PYGO1: variants seen among roughly 807,000 people sequenced by gnomAD.
PYGO1 encodes pygopus homolog 1.
PYGO1 carries 6 observed loss-of-function variants against 29.5 expected under a neutral mutation model. That is an observed-to-expected ratio of 0.20 (90% CI 0.11 to 0.40). The LOEUF is 0.40. Ranked by LOEUF, PYGO1 falls within the 10% of genes least tolerant of loss-of-function variation. The pLI is 1.00. For synonymous variants in PYGO1, 186 were observed against 180.5 expected, an observed-to-expected ratio of 1.03 and a Z score of -0.24; for missense variants, 515 against 514.9, an observed-to-expected ratio of 1.00 and a Z score of 0.00.
chr15:55,559,298 T>C (rs2058922087), intron 1 of PYGO1, among the ~76,000 whole-genome samples: 1 of 152,074 alleles, frequency 6.6e-6, no homozygotes, highest in Non-Finnish European at 1.5e-5. Context: ...TCACACCAGT[T>C]AGAATGGCGA....
intron 1 of PYGO1, among the ~76,000 whole-genome samples, chr15:55,556,843 C>A (rs1301570792): frequency 6.6e-6 from 1 of 151,596 alleles, no homozygotes; most frequent in East Asian, 1.9e-4. Flanking sequence ...TACAGAAATA[C>A]AATCACCAGA....
At position 55,587,879 on chromosome 15, in the gene PYGO1, G is replaced by A. The variant is rs1275643576; in HGVS notation, c.5C>T (p.Ser2Leu). The A allele has an allele frequency of 2.7e-6, 4 of 1,486,054 alleles. No individual in the cohort carries two copies. The highest frequency in any genetic ancestry group is 3.6e-6 in the Non-Finnish European group (4 of 1,119,744). 92.1% of individuals were successfully genotyped at this position (1,486,054 alleles called of 1,614,324 possible). A position where few individuals can be genotyped will look rare whatever the true frequency, so the allele number is the denominator to read the frequency against. Residue 2 changes from serine (S) to leucine (L), a missense_variant, in exon 1 of 3, where the codon TCA becomes TTA. Ser to Leu is a moderately radical substitution (Grantham distance 145). Transcript: ENST00000563719. Reference sequence around the variant, plus strand: ...AATGGGATCCTTCTCCTGTTCTGCTGACATTACAGACCGCAAAGCATGACT... The same window carrying A: ...AATGGGATCCTTCTCCTGTTCTGCTAACATTACAGACCGCAAAGCATGACT... M[S>L]AEQEKDPISL...
At chr15:55,571,616 G>A (rs2058980487) in intron 1 of PYGO1, among the ~76,000 whole-genome samples, 1 of 152,182 alleles carries the variant, frequency 6.6e-6, no homozygotes, top group African/African-American at 2.4e-5. Context: ...ATCCACGTGA[G>A]ATGTGACTTG....
rs1159358135 is a variant in PYGO1 at position 55,539,669 on chromosome 15, T to A, written c.*6354A>T. 1 of 152,044 alleles carries A rather than the reference T, an allele frequency of 6.6e-6. No homozygotes were observed. Among genetic ancestry groups the A allele is most frequent in the Non-Finnish European group, 1.5e-5 (1 of 67,912 alleles). 9.4% of individuals were successfully genotyped at this position (152,044 alleles called of 1,614,324 possible). ...ACTATGAAAATTTTGGGCATTCAAG[T>A]CAAATATAATAGGATTATGATACAG... On this transcript the variant is annotated 3_prime_UTR_variant, in exon 3 of 3. Coordinates refer to ENST00000563719, the MANE Select transcript of PYGO1 (RefSeq NM_001367806.1).
intron 1 of PYGO1, among the ~76,000 whole-genome samples, chr15:55,576,453 CTCAAAAAAAA>C (rs1191073295): frequency 8.8e-5 from 1 of 11,410 alleles, no homozygotes; most frequent in Admixed American, 2.0e-3. Flanking sequence ...GAGACTCCGT[CTCAAAAAAAA>C]AAAAAAAAAA....
In PYGO1 at chr15:55,551,105, C is replaced by T. The variant is rs537329899; in HGVS notation, c.50-2110G>A. ...GCTCAGGCAGTAATGCTCGCTCACCCGCCAGTCACCTCCTGCTGTGTGGCC... is the reference window on the plus strand; with the variant it reads ...GCTCAGGCAGTAATGCTCGCTCACCTGCCAGTCACCTCCTGCTGTGTGGCC... On this transcript the variant is annotated intron_variant, in intron 1 of 2. Coordinates refer to ENST00000563719, the MANE Select transcript of PYGO1 (RefSeq NM_001367806.1). Among the ~76,000 whole-genome samples the T allele has an allele frequency of 5.9e-5, 9 of 152,296 alleles. No homozygotes were observed. The East Asian group carries it at 7.7e-4, about 13-fold the overall frequency.
intron 1 of PYGO1, among the ~76,000 whole-genome samples, chr15:55,573,082 G>A (rs1448318104): frequency 5.9e-5 from 9 of 151,738 alleles, no homozygotes; most frequent in Admixed American, 3.3e-4. Flanking sequence ...TGAGGTGGGC[G>A]GATCACGAGG....
At position 55,546,815 on chromosome 15, in the gene PYGO1, G is replaced by A. The variant is rs200667416; in HGVS notation, c.468C>T (p.Phe156=). 85 of 1,613,892 alleles carry A rather than the reference G, an allele frequency of 5.3e-5. No individual in the cohort carries two copies. Among genetic ancestry groups the A allele is most frequent in the Admixed American group, 6.7e-5 (4 of 59,994 alleles). Residue 156 remains phenylalanine (F), a synonymous_variant, in exon 3 of 3, where the codon TTC becomes TTT. Coordinates refer to ENST00000563719, the MANE Select transcript of PYGO1 (RefSeq NM_001367806.1). ...GTGCATTATTATAAGATGGATTACCGAAACTTGAATTATCATGTGGCCCAA... is the reference window on the plus strand; with the variant it reads ...GTGCATTATTATAAGATGGATTACCAAAACTTGAATTATCATGTGGCCCAA... The part of the protein sequence containing the change: ...FNFGPHDNSS[F]GNPSYNNALS...
At position 55,542,271 on chromosome 15, in the gene PYGO1, C is replaced by T. The variant is rs1354382078; in HGVS notation, c.*3752G>A. On this transcript the variant is annotated 3_prime_UTR_variant, in exon 3 of 3. Transcript: ENST00000563719. ...TAAAGTTGGCAGATTTTATGATGAC[C>T]CACACTATTAAGAGGTTTTTCTGCC... 6.6e-6 allele frequency: 1 copy of T among 151,976 alleles called. No homozygotes were observed. The highest frequency in any genetic ancestry group is 1.5e-5 in the Non-Finnish European group (1 of 67,988). The allele number at this position is 151,976 out of a possible 1,614,324, so 9.4% of individuals were successfully genotyped here.
At chr15:55,550,710 A>AATTAAATATAATTG (rs1229509457) in intron 1 of PYGO1, among the ~76,000 whole-genome samples, 2 of 152,202 alleles carry the variant, frequency 1.3e-5, no homozygotes, top group African/African-American at 4.8e-5. Context: ...AATTCCTTAC[A>AATTAAATATAATTG]TAAAATTATA....
chr15:55,557,947 C>T (rs535295323), intron 1 of PYGO1, among the ~76,000 whole-genome samples: 1 of 152,284 alleles, frequency 6.6e-6, no homozygotes, highest in African/African-American at 2.4e-5. Context: ...CAGGGATGCC[C>T]TCTCTTACCA....
At position 55,543,961 on chromosome 15, in the gene PYGO1, C is replaced by G. The variant is rs2058838781; in HGVS notation, c.*2062G>C. The G allele has an allele frequency of 6.6e-6, 1 of 152,124 alleles. No homozygotes were observed. The allele number at this position is 152,124 out of a possible 1,614,324, so 9.4% of individuals were successfully genotyped here. On this transcript the variant is annotated 3_prime_UTR_variant, in exon 3 of 3. Transcript: ENST00000563719. ...AGATCTTCAAGTACACTACTGAACACCATCAAATGCCTGTCAGCCCAAAAT... is the reference window on the plus strand; with the variant it reads ...AGATCTTCAAGTACACTACTGAACAGCATCAAATGCCTGTCAGCCCAAAAT...
At chr15:55,577,942 T>A (rs955937168) in intron 1 of PYGO1, among the ~76,000 whole-genome samples, 7 of 152,020 alleles carry the variant, frequency 4.6e-5, no homozygotes, top group Non-Finnish European at 1.0e-4. Flanking sequence ...GCTTGGTGAA[T>A]TTTTTTATTT....
At chr15:55,565,595 G>A (rs540847877) in intron 1 of PYGO1, among the ~76,000 whole-genome samples, 1 of 151,794 alleles carries the variant, frequency 6.6e-6, no homozygotes, top group East Asian at 2.0e-4. Context: ...GGCACCTGTA[G>A]TCCCAGCTAC....
At position 55,549,525 on chromosome 15, in the gene PYGO1, T is replaced by C. The variant is rs541658351; in HGVS notation, c.50-530A>G. Among the ~76,000 whole-genome samples the C allele has an allele frequency of 8.1e-4, 124 of 152,288 alleles. 2 individuals are homozygous for C. Among genetic ancestry groups the C allele is most frequent in the African/African-American group, 2.9e-3 (119 of 41,554 alleles). On this transcript the variant is annotated intron_variant, in intron 1 of 2. Transcript: ENST00000563719. ...ATTCATTAAACTAGTCCCCTCCATA[T>C]TGATCAATGTTTAAGTTGTTTCCAA...
chr15:55,574,339 A>G (rs570457297), intron 1 of PYGO1, among the ~76,000 whole-genome samples: 11 of 152,344 alleles, frequency 7.2e-5, no homozygotes, highest in Admixed American at 7.2e-4. Context: ...TTATGCAGTT[A>G]TGATTTAATA....
At chr15:55,558,641 A>G (rs1486072871) in intron 1 of PYGO1, among the ~76,000 whole-genome samples, 8 of 152,044 alleles carry the variant, frequency 5.3e-5, no homozygotes, top group Non-Finnish European at 8.8e-5. Context: ...TACTGGTACC[A>G]AAACAGAGAT....
At chr15:55,551,543 T>A (rs2058878713) in intron 1 of PYGO1, among the ~76,000 whole-genome samples, 1 of 151,940 alleles carries the variant, frequency 6.6e-6, no homozygotes, top group South Asian at 2.1e-4. Context: ...ATGTCGATAA[T>A]CTCAACACTT....
At chr15:55,578,472 A>T (rs1313343327) in intron 1 of PYGO1, among the ~76,000 whole-genome samples, 1 of 152,144 alleles carries the variant, frequency 6.6e-6, no homozygotes, top group Non-Finnish European at 1.5e-5. Flanking sequence ...TTATATTTTC[A>T]TCTGCAAGGT....
Sources: allele counts gnomAD v4.1 joint callset (sites outside exome capture counted in the v4.1 genomes callset), GRCh38; gene constraint gnomAD v4.1.1; transcripts MANE v1.5; gene names NCBI Gene and HGNC (gene_info 2026-07-23, HGNC 2026-07-21).